EXOC4: variants seen among roughly 807,000 people sequenced by gnomAD.
EXOC4 encodes exocyst complex component 4.
In EXOC4, 71 loss-of-function variants were observed where a neutral mutation model predicts 107.2. The observed-to-expected ratio is 0.66, with a 90% CI of 0.55 to 0.81. The LOEUF is 0.81. EXOC4 is among the 30% of genes least tolerant of loss of function. The pLI, the probability that EXOC4 is intolerant of heterozygous loss-of-function variation, is 0.00. For synonymous variants in EXOC4, 456 were observed against 441.2 expected (o/e 1.03, Z -0.42); for missense variants, 1,108 against 1,189.6 (o/e 0.93, Z 1.01).
chr7:133,973,719 T>A (rs1793756121), intron 14 of EXOC4, among the ~76,000 whole-genome samples: 1 of 152,192 alleles, frequency 6.6e-6, no homozygotes, highest in Non-Finnish European at 1.5e-5. Flanking sequence ...GGTAAGAGAT[T>A]ATTTAGAAAC....
In EXOC4 at chr7:133,572,003, A is replaced by G. The variant is rs189929927; in HGVS notation, c.1418-58042A>G. On this transcript the variant is annotated intron_variant, in intron 9 of 17. Coordinates refer to ENST00000253861, the MANE Select transcript of EXOC4 (RefSeq NM_021807.4). ...AGGGATACTTTGAAACCATAGCAGA[A>G]GGTTAATGAAAAATTAGTATTTGCT... Among the ~76,000 whole-genome samples, 462 of 152,340 alleles carry G rather than the reference A, an allele frequency of 3.0e-3. 3 individuals carry two copies. The highest frequency in any genetic ancestry group is 0.01 in the African/African-American group (435 of 41,578).
At chr7:133,458,761 T>G (rs1332123536) in intron 7 of EXOC4, among the ~76,000 whole-genome samples, 1 of 152,244 alleles carries the variant, frequency 6.6e-6, no homozygotes, top group African/African-American at 2.4e-5. Flanking sequence ...CATGATTAAC[T>G]TTGACATTTG....
chr7:133,933,997 A>G (rs1800240284), intron 13 of EXOC4, among the ~76,000 whole-genome samples: 1 of 152,086 alleles, frequency 6.6e-6, no homozygotes, highest in South Asian at 2.1e-4. Flanking sequence ...CTGCTCATAT[A>G]TTTATTTATT....
At chr7:133,885,356 G>T (rs1325087431) in intron 11 of EXOC4, among the ~76,000 whole-genome samples, 6 of 151,716 alleles carry the variant, frequency 4.0e-5, no homozygotes, top group Non-Finnish European at 7.4e-5. Context: ...AGGAGTTAGT[G>T]GTCTGATTTC....
At chr7:133,365,861 A>C (rs143382231) in intron 6 of EXOC4, among the ~76,000 whole-genome samples, 2 of 152,236 alleles carry the variant, frequency 1.3e-5, no homozygotes, top group African/African-American at 2.4e-5. Flanking sequence ...CTTTTTATAA[A>C]ATTATAAAGT....
chr7:133,533,644 C>G (rs1800220966), intron 9 of EXOC4, among the ~76,000 whole-genome samples: 1 of 152,146 alleles, frequency 6.6e-6, no homozygotes, highest in African/African-American at 2.4e-5. Context: ...CTCCTTGCCA[C>G]AGGTCTTCTG....
intron 4 of EXOC4, 57 bp from the exon 5 acceptor site, chr7:133,317,227 G>T (rs1795009263): frequency 1.6e-6 from 2 of 1,221,962 alleles, no homozygotes; most frequent in South Asian, 2.5e-5. Flanking sequence ...GGCTGTAGTG[G>T]GAGGACTTTA....
At chr7:133,964,106 A>T (rs1024744044) in intron 14 of EXOC4, among the ~76,000 whole-genome samples, 1 of 152,196 alleles carries the variant, frequency 6.6e-6, no homozygotes, top group Non-Finnish European at 1.5e-5. Flanking sequence ...GTAATATATG[A>T]GAAAGAACTT....
chr7:133,402,114 T>C (rs1584887831), intron 7 of EXOC4, among the ~76,000 whole-genome samples: 1 of 152,184 alleles, frequency 6.6e-6, no homozygotes, highest in African/African-American at 2.4e-5. Flanking sequence ...TAAATAAATG[T>C]GTGGTAGAAA....
At chr7:133,834,466 C>G (rs1324566208) in intron 11 of EXOC4, among the ~76,000 whole-genome samples, 1 of 152,220 alleles carries the variant, frequency 6.6e-6, no homozygotes, top group Non-Finnish European at 1.5e-5. Flanking sequence ...GCAGGACTTG[C>G]ATCAGGAATA....
At chr7:133,682,443 C>A (rs1794207885) in intron 10 of EXOC4, among the ~76,000 whole-genome samples, 1 of 152,184 alleles carries the variant, frequency 6.6e-6, no homozygotes, top group Non-Finnish European at 1.5e-5. Flanking sequence ...TCCCTTTTAT[C>A]TTGCTGCCGC....
intron 9 of EXOC4, among the ~76,000 whole-genome samples, chr7:133,558,728 T>C (rs1200636406): frequency 2.0e-5 from 3 of 152,192 alleles, no homozygotes; most frequent in African/African-American, 7.2e-5. Context: ...TAAACTGTTT[T>C]CCATGGAGTC....
the EXOC4 span, among the ~76,000 whole-genome samples, chr7:134,079,220 T>C: frequency 1.3e-5 from 2 of 152,164 alleles, no homozygotes; most frequent in Admixed American, 6.5e-5. Context: ...CAGGAAGCAC[T>C]CTCTGTCCCT....
At chr7:133,293,411 G>C (rs926345591) in intron 3 of EXOC4, among the ~76,000 whole-genome samples, 1 of 152,194 alleles carries the variant, frequency 6.6e-6, no homozygotes, top group Non-Finnish European at 1.5e-5. Flanking sequence ...TTTGCTAAAA[G>C]ACATCAGAGG....
At chr7:133,409,170 T>G (rs988681666) in intron 7 of EXOC4, among the ~76,000 whole-genome samples, 19 of 152,230 alleles carry the variant, frequency 1.2e-4, no homozygotes, top group African/African-American at 4.3e-4. Flanking sequence ...AATGTTTAGC[T>G]AAAATTCAAT....
chr7:134,098,080 C>T, the EXOC4 span, among the ~76,000 whole-genome samples: 13 of 152,140 alleles, frequency 8.5e-5, no homozygotes, highest in African/African-American at 3.1e-4. Context: ...AAGTCTGAGA[C>T]CAAAGCAAAG....
intron 5 of EXOC4, among the ~76,000 whole-genome samples, chr7:133,355,212 G>A (rs1795996420): frequency 6.6e-6 from 1 of 151,322 alleles, no homozygotes; most frequent in Non-Finnish European, 1.5e-5. Flanking sequence ...TACTAAGGAA[G>A]AATGTATTCA....
At chr7:133,786,699 A>G (rs1328392617) in intron 10 of EXOC4, among the ~76,000 whole-genome samples, 3 of 152,232 alleles carry the variant, frequency 2.0e-5, no homozygotes, top group African/African-American at 7.2e-5. Flanking sequence ...ACTGACCTTT[A>G]TTCAACTGTT....
intron 14 of EXOC4, among the ~76,000 whole-genome samples, chr7:133,977,934 T>C (rs1435952986): frequency 6.6e-6 from 1 of 152,222 alleles, no homozygotes; most frequent in Non-Finnish European, 1.5e-5. Flanking sequence ...GGCCCAAAGC[T>C]GCCTCTGTAC....
Sources: allele counts gnomAD v4.1 joint callset (sites outside exome capture counted in the v4.1 genomes callset), GRCh38; gene constraint gnomAD v4.1.1; transcripts MANE v1.5; gene names NCBI Gene and HGNC (gene_info 2026-07-23, HGNC 2026-07-21).